Variants in LINGO2 observed in about 807,000 individuals in gnomAD.
LINGO2 encodes the protein leucine-rich repeat and immunoglobulin-like domain-containing nogo receptor-interacting protein 2.
A neutral mutation model predicts 30.6 loss-of-function variants in LINGO2; 14 were observed. The ratio of observed to expected loss-of-function variants is 0.46; its 90% CI spans 0.30 to 0.72. LINGO2 has a LOEUF of 0.72. Ranked by LOEUF, LINGO2 falls within the 30% of genes least tolerant of loss-of-function variation. The pLI, the probability that LINGO2 is intolerant of heterozygous loss-of-function variation, is 0.07. For synonymous variants in LINGO2, 317 were observed against 288.5 expected, an observed-to-expected ratio of 1.10 and a Z score of -1.00; for missense variants, 729 against 751.7, an observed-to-expected ratio of 0.97 and a Z score of 0.35.
At chr9:28,648,779 A>C (rs765099656) in intron 1 of LINGO2, among the ~76,000 whole-genome samples, 3 of 152,170 alleles carry the variant, frequency 2.0e-5, no homozygotes. Context: ...AGGTATTCTT[A>C]AAGCAAATAC....
chr9:28,356,572 T>C (rs1294640276), intron 3 of LINGO2, among the ~76,000 whole-genome samples: 1 of 152,070 alleles, frequency 6.6e-6, no homozygotes, highest in Non-Finnish European at 1.5e-5. Context: ...TGGGAAAAAA[T>C]TTTAGGTTAG....
At chr9:28,092,803 A>G (rs1441356838) in intron 4 of LINGO2, among the ~76,000 whole-genome samples, 1 of 152,102 alleles carries the variant, frequency 6.6e-6, no homozygotes, top group African/African-American at 2.4e-5. Flanking sequence ...TGTATGATCA[A>G]TAATAAGAAT....
the LINGO2 span, among the ~76,000 whole-genome samples, chr9:28,736,956 T>C: frequency 6.4e-4 from 97 of 152,240 alleles, 2 homozygotes; most frequent in East Asian, 0.016. Flanking sequence ...CTATAAAACA[T>C]TCCCCAAGGG....
At chr9:29,125,432 A>AT in the LINGO2 span, among the ~76,000 whole-genome samples, 6 of 151,558 alleles carry the variant, frequency 4.0e-5, no homozygotes, top group East Asian at 1.9e-4. Context: ...AAAATTTAAA[A>AT]ATATATATAT....
intron 3 of LINGO2, among the ~76,000 whole-genome samples, chr9:28,358,030 A>G (rs2134489152): frequency 6.6e-6 from 1 of 152,274 alleles, no homozygotes; most frequent in Non-Finnish European, 1.5e-5. Context: ...CTAATTTCAT[A>G]AAAAGGGTAG....
At chr9:28,246,044 T>C (rs1821986102) in intron 4 of LINGO2, among the ~76,000 whole-genome samples, 1 of 152,118 alleles carries the variant, frequency 6.6e-6, no homozygotes, top group Non-Finnish European at 1.5e-5. Flanking sequence ...GACTTCAAAC[T>C]ATACCACAAG....
At chr9:28,541,093 T>C (rs1056703600) in intron 1 of LINGO2, among the ~76,000 whole-genome samples, 1 of 151,948 alleles carries the variant, frequency 6.6e-6, no homozygotes, top group Non-Finnish European at 1.5e-5. Flanking sequence ...TGAGAAAGAG[T>C]GAATAATAAA....
the LINGO2 span, among the ~76,000 whole-genome samples, chr9:28,802,610 C>T: frequency 6.6e-6 from 1 of 152,026 alleles, no homozygotes; most frequent in South Asian, 2.1e-4. Flanking sequence ...AAACTATTGG[C>T]AATTAGGAAA....
chr9:28,757,639 A>G, the LINGO2 span, among the ~76,000 whole-genome samples: 190 of 152,078 alleles, frequency 1.2e-3, 1 homozygote, highest in Non-Finnish European at 2.3e-3. Flanking sequence ...CTGATCTCCA[A>G]TTAGGCCATT....
chr9:29,111,968 T>G, the LINGO2 span, among the ~76,000 whole-genome samples: 1 of 137,798 alleles, frequency 7.3e-6, no homozygotes, highest in Admixed American at 7.3e-5. Flanking sequence ...TAAAAGCAAT[T>G]TATGTTAATG....
chr9:28,235,823 C>G (rs1261057754), intron 4 of LINGO2, among the ~76,000 whole-genome samples: 15 of 152,086 alleles, frequency 9.9e-5, no homozygotes, highest in Non-Finnish European at 2.2e-4. Flanking sequence ...AGCACACCTA[C>G]AAGATCTAGA....
At chr9:28,700,589 T>C in the LINGO2 span, among the ~76,000 whole-genome samples, 2 of 152,242 alleles carry the variant, frequency 1.3e-5, no homozygotes, top group East Asian at 1.9e-4. Flanking sequence ...AAAGCTGCTA[T>C]AACATCCATG....
intron 2 of LINGO2, among the ~76,000 whole-genome samples, chr9:28,461,981 A>T (rs896192820): frequency 6.6e-6 from 1 of 152,160 alleles, no homozygotes; most frequent in African/African-American, 2.4e-5. Context: ...CTAATGTTAC[A>T]AACTGAGCAA....
At chr9:28,430,129 T>TGTGTGA (rs1416817816) in intron 2 of LINGO2, among the ~76,000 whole-genome samples, 1 of 149,766 alleles carries the variant, frequency 6.7e-6, no homozygotes, top group Non-Finnish European at 1.5e-5. Context: ...TGTGTGTGTG[T>TGTGTGA]GATTCTGGAT....
the LINGO2 span, among the ~76,000 whole-genome samples, chr9:28,794,840 T>C: frequency 6.6e-6 from 1 of 151,880 alleles, no homozygotes; most frequent in African/African-American, 2.4e-5. Context: ...TTCTTTCTTT[T>C]TTTTTTTGAG....
At chr9:28,297,683 G>A (rs1019061985) in intron 3 of LINGO2, among the ~76,000 whole-genome samples, 2 of 152,200 alleles carry the variant, frequency 1.3e-5, no homozygotes, top group African/African-American at 4.8e-5. Flanking sequence ...GCTAATGCTT[G>A]TGAGGTTGTT....
the LINGO2 span, among the ~76,000 whole-genome samples, chr9:29,110,896 C>G: frequency 1.3e-5 from 2 of 150,312 alleles, no homozygotes; most frequent in African/African-American, 4.9e-5. Flanking sequence ...TCACCGTGTT[C>G]GCCCAGATGC....
At chr9:29,156,334 A>C in the LINGO2 span, among the ~76,000 whole-genome samples, 4 of 152,162 alleles carry the variant, frequency 2.6e-5, no homozygotes, top group African/African-American at 9.6e-5. Context: ...TGCATCCCTA[A>C]GAACTGACAA....
At chr9:27,983,858 G>GT (rs1490057057) in intron 5 of LINGO2, among the ~76,000 whole-genome samples, 1 of 151,828 alleles carries the variant, frequency 6.6e-6, no homozygotes, top group African/African-American at 2.4e-5. Flanking sequence ...TTATCCCAGA[G>GT]TTTTTTCTCT....
Sources: gnomAD v4.1 joint callset for allele counts (sites outside exome capture counted in the v4.1 genomes callset) on GRCh38, gnomAD v4.1.1 for gene constraint, MANE v1.5 for transcripts, NCBI Gene and HGNC (gene_info 2026-07-23, HGNC 2026-07-21) for gene names.